The following CNGA1 variants were observed in gnomAD, a reference collection of about 807,000 sequenced individuals.
The protein encoded by CNGA1 is cyclic nucleotide-gated channel alpha-1.
CNGA1 carries 53 observed loss-of-function variants against 69.7 expected under a neutral mutation model. The ratio of observed to expected loss-of-function variants is 0.76; its 90% CI spans 0.61 to 0.96. The LOEUF (loss-of-function observed/expected upper bound fraction) is 0.96. Among genes scored for constraint, CNGA1 ranks in the 40% least tolerant of loss-of-function variants. The probability of loss-of-function intolerance (pLI) is 0.00; values close to 1 mark genes in which losing one functional copy is unlikely to be tolerated. For missense variants in CNGA1, 739 were observed against 811.2 expected (o/e 0.91, Z 1.08); for synonymous variants, 249 against 283.5 (o/e 0.88, Z 1.22).
rs143280673 is a variant in CNGA1 at position 48,001,207 on chromosome 4, T to C, written c.-123+9587A>G. On this transcript the variant is annotated intron_variant, in intron 2 of 10. Coordinates refer to ENST00000514170, the MANE Select transcript of CNGA1 (RefSeq NM_001379270.1). ...TAGGCTGGGCACGGTGGCTCAGGCC[T>C]GTAATCCCAGCACTTTGAAAGGCCA... 6.2e-4 allele frequency among the ~76,000 whole-genome samples: 95 copies of C among 152,344 alleles called. 3 individuals are homozygous for C. The East Asian group carries it at 0.015, about 23-fold the overall frequency.
Position 47,960,924 on chromosome 4 carries a change from G to A in CNGA1, c.-14-8221C>T, listed in dbSNP as rs114207287. 5.6e-3 allele frequency among the ~76,000 whole-genome samples: 849 copies of A among 152,248 alleles called. 5 individuals carry two copies. Among genetic ancestry groups the A allele is most frequent in the African/African-American group, 0.019 (796 of 41,534 alleles). On this transcript the variant is annotated intron_variant, in intron 3 of 10. Coordinates refer to ENST00000514170, the MANE Select transcript of CNGA1 (RefSeq NM_001379270.1). ...AAGGGGGGTGAAATTTACTGAAAAG[G>A]ACAAAAGGGAACTTTCTGGAATGAA...
At chr4:47,949,618 A>T (rs1296994083) in intron 6 of CNGA1, among the ~76,000 whole-genome samples, 2 of 152,240 alleles carry the variant, frequency 1.3e-5, no homozygotes, top group Non-Finnish European at 1.5e-5. Flanking sequence ...AGAGAAAGTC[A>T]ACTGCATGAA....
intron 5 of CNGA1, among the ~76,000 whole-genome samples, chr4:47,950,468 T>G (rs1366217185): frequency 6.6e-6 from 1 of 152,130 alleles, no homozygotes; most frequent in African/African-American, 2.4e-5. Context: ...CTTCATAACA[T>G]TATGAAAATG....
At chr4:47,961,892 G>T (rs1427184913) in intron 3 of CNGA1, among the ~76,000 whole-genome samples, 3 of 152,028 alleles carry the variant, frequency 2.0e-5, no homozygotes, top group African/African-American at 7.2e-5. Context: ...AAGTGTGTTT[G>T]GAACAACTTG....
intron 3 of CNGA1, among the ~76,000 whole-genome samples, chr4:47,954,384 G>T (rs1379526378): frequency 6.6e-6 from 1 of 152,204 alleles, no homozygotes; most frequent in Non-Finnish European, 1.5e-5. Flanking sequence ...TCCCCGGACA[G>T]CAAGGCTAAA....
rs549602386 is a variant in CNGA1, at chr4:47,961,618, C to A, written c.-14-8915G>T. On this transcript the variant is annotated intron_variant, in intron 3 of 10. Transcript: ENST00000514170. ...AATTAGTCAGGCATGGTAGTGCATG[C>A]CTGTGGTCTCAGCTATTCAGGAGGC... Among the ~76,000 whole-genome samples, 59 of 152,306 alleles carry A rather than the reference C, an allele frequency of 3.9e-4. No homozygotes were observed. The South Asian group carries it at 0.011, about 29-fold the overall frequency.
chr4:48,014,433 C>G (rs1490405960), intron 1 of CNGA1, among the ~76,000 whole-genome samples: 3 of 152,100 alleles, frequency 2.0e-5, no homozygotes, highest in Non-Finnish European at 4.4e-5. Context: ...AAAGCAAGAA[C>G]TACAACAAAA....
intron 6 of CNGA1, among the ~76,000 whole-genome samples, chr4:47,947,594 C>T (rs575566401): frequency 7.9e-5 from 12 of 152,030 alleles, no homozygotes; most frequent in African/African-American, 1.9e-4. Flanking sequence ...CATTTGATCC[C>T]GGGAGATGGA....
At chr4:47,946,840 G>A (rs1404900580) in intron 6 of CNGA1, among the ~76,000 whole-genome samples, 3 of 151,808 alleles carry the variant, frequency 2.0e-5, no homozygotes, top group Admixed American at 6.6e-5. Flanking sequence ...GCAGGAGTGC[G>A]GTGGCACAAT....
Position 47,943,165 on chromosome 4 carries a change from C to A in CNGA1, c.437+16G>T. 6.5e-7 allele frequency: 1 copy of A among 1,539,530 alleles called. No homozygotes were observed. The highest frequency in any genetic ancestry group is 9.0e-7 in the Non-Finnish European group (1 of 1,115,170). On this transcript the variant is annotated intron_variant, in intron 8 of 10. Transcript: ENST00000514170. Reference sequence around the variant, plus strand: ...TCACAATTTCCTTCTATTTCAATGCCACTAAAAGTGCTTACTCTTCTTTCT... The same window carrying A: ...TCACAATTTCCTTCTATTTCAATGCAACTAAAAGTGCTTACTCTTCTTTCT...
chr4:47,968,128 A>G (rs974348657), intron 3 of CNGA1, among the ~76,000 whole-genome samples: 1 of 152,198 alleles, frequency 6.6e-6, no homozygotes, highest in African/African-American at 2.4e-5. Flanking sequence ...AGAGGACTAT[A>G]GGGGAACAAG....
rs1467191345 is a variant in CNGA1, at chr4:48,015,044, G to A, written c.-223+1439C>T. On this transcript the variant is annotated intron_variant, in intron 1 of 10. Coordinates refer to ENST00000514170, the MANE Select transcript of CNGA1 (RefSeq NM_001379270.1). Reference sequence around the variant, plus strand: ...ATACAAAAAATTAGCCGGGCGTGGTGGGGGGCGCCTGTAGTCCCAGCTACT... The same window carrying A: ...ATACAAAAAATTAGCCGGGCGTGGTAGGGGGCGCCTGTAGTCCCAGCTACT... Among the ~76,000 whole-genome samples the A allele has an allele frequency of 2.0e-5, 3 of 152,038 alleles. No homozygotes were observed. The East Asian group carries it at 5.8e-4, about 29-fold the overall frequency.
chr4:47,978,212 A>G (rs1041739156), intron 3 of CNGA1, among the ~76,000 whole-genome samples: 7 of 152,174 alleles, frequency 4.6e-5, no homozygotes, highest in Non-Finnish European at 1.5e-5. Flanking sequence ...CCTTTAGAAT[A>G]ATTTTATCAA....
chr4:48,001,057 TC>T (rs1378005050), intron 2 of CNGA1, among the ~76,000 whole-genome samples: 2 of 152,210 alleles, frequency 1.3e-5, no homozygotes, highest in African/African-American at 4.8e-5. Context: ...GCAAAGATTT[TC>T]AGATTGGTTA....
intron 1 of CNGA1, 28 bp downstream of exon 1, chr4:48,016,455 C>CGTA: frequency 7.1e-6 from 2 of 282,154 alleles, no homozygotes; most frequent in Non-Finnish European, 1.3e-5. Context: ...TCAGTGCAGC[C>CGTA]TCCACTCCAC....
intron 2 of CNGA1, among the ~76,000 whole-genome samples, chr4:48,000,748 G>T (rs1001433083): frequency 6.6e-6 from 1 of 151,512 alleles, no homozygotes. Flanking sequence ...AAGCGGGGGG[G>T]TGGGAAGGAT....
At chr4:48,007,780 G>C (rs1034097427) in intron 2 of CNGA1, among the ~76,000 whole-genome samples, 1 of 151,954 alleles carries the variant, frequency 6.6e-6, no homozygotes, top group East Asian at 1.9e-4. Context: ...GTTACCAAAA[G>C]GCAAAAGAAA....
At chr4:47,965,347 T>C (rs879392777) in intron 3 of CNGA1, among the ~76,000 whole-genome samples, 1 of 152,184 alleles carries the variant, frequency 6.6e-6, no homozygotes, top group Admixed American at 6.5e-5. Flanking sequence ...AATCATATTT[T>C]CCTGTGAATA....
Position 47,936,340 on chromosome 4 carries a change from T to A in CNGA1, c.*81A>T, listed in dbSNP as rs1738635534. On this transcript the variant is annotated 3_prime_UTR_variant, in exon 11 of 11. Transcript: ENST00000514170. ...AAATTTCCCAACTGAGTCTTCCTCT[T>A]CTTTTAAATTTTAGTTGATGTCAGT... The A allele has an allele frequency of 6.6e-7, 1 of 1,509,380 alleles. No homozygotes were observed. Among genetic ancestry groups the A allele is most frequent in the South Asian group, 1.1e-5 (1 of 88,066 alleles). 93.5% of individuals were successfully genotyped at this position (1,509,380 alleles called of 1,614,324 possible).
Sources: allele counts gnomAD v4.1 joint callset (sites outside exome capture counted in the v4.1 genomes callset), GRCh38; gene constraint gnomAD v4.1.1; transcripts MANE v1.5; gene names NCBI Gene and HGNC (gene_info 2026-07-23, HGNC 2026-07-21).